Variants in SLC15A2 observed in about 807,000 individuals in gnomAD.
SLC15A2 encodes solute carrier family 15 member 2.
SLC15A2 carries 77 observed loss-of-function variants against 95.5 expected under a neutral mutation model. The observed-to-expected ratio is 0.81, with a 90% confidence interval of 0.67 to 0.97. The LOEUF (loss-of-function observed/expected upper bound fraction) is 0.97, where lower values mean the gene tolerates loss of function less well. SLC15A2 is among the 50% of genes least tolerant of loss of function. The pLI is 0.00. For missense variants in SLC15A2, 893 were observed against 874.4 expected, an observed-to-expected ratio of 1.02 and a Z score of -0.27; for synonymous variants, 306 against 306.9, an observed-to-expected ratio of 1.00 and a Z score of 0.03.
chr3:121,927,109 CT>C (rs1710137030), intron 13 of SLC15A2, among the ~76,000 whole-genome samples: 1 of 152,120 alleles, frequency 6.6e-6, no homozygotes, highest in Admixed American at 6.5e-5. Context: ...AGGGACTTGC[CT>C]TATTTCAAAT....
intron 7 of SLC15A2, among the ~76,000 whole-genome samples, chr3:121,917,172 T>C (rs1438867870): frequency 6.6e-6 from 1 of 152,210 alleles, no homozygotes; most frequent in African/African-American, 2.4e-5. Context: ...TTAATGAACC[T>C]ATTGTGTGCC....
chr3:121,937,404 A>G (rs1357753064), intron 19 of SLC15A2, among the ~76,000 whole-genome samples: 12 of 120,514 alleles, frequency 1.0e-4, no homozygotes, highest in East Asian at 4.6e-4. Flanking sequence ...AGGTACACCA[A>G]TCAGACGTAG....
At position 121,896,243 on chromosome 3, in the gene SLC15A2, C is replaced by G. The variant is rs190967754; in HGVS notation, c.106-163C>G. ...TATTTCTAAATCAGTAATATAAGCA[C>G]TTTTAGTGTTACCTAATAGGTGTGT... is the stretch of plus-strand genomic sequence containing the variant. On this transcript the variant is annotated intron_variant, in intron 1 of 21. Coordinates refer to ENST00000489711, the MANE Select transcript of SLC15A2 (RefSeq NM_021082.4). Among the ~76,000 whole-genome samples, 12 of 152,260 alleles carry G rather than the reference C, an allele frequency of 7.9e-5. No individual in the cohort carries two copies. In the East Asian group the frequency reaches 2.3e-3, roughly 29 times the overall value.
chr3:121,904,847 G>T (rs1353409580), intron 3 of SLC15A2, among the ~76,000 whole-genome samples: 1 of 152,178 alleles, frequency 6.6e-6, no homozygotes, highest in Non-Finnish European at 1.5e-5. Context: ...TTCATATCAG[G>T]ATGATGCTGG....
intron 9 of SLC15A2, 30 bp downstream of exon 9, chr3:121,922,891 G>C: frequency 6.3e-7 from 1 of 1,585,610 alleles, no homozygotes; most frequent in Non-Finnish European, 8.7e-7. Context: ...ACATCTTATG[G>C]CTTGATAGAG....
Position 121,915,323 on chromosome 3 carries a change from G to GA in SLC15A2, c.619+7dup. On this transcript the variant is annotated splice_region_variant and intron_variant, in intron 6 of 21. Transcript: ENST00000489711. ...TATCACACCCATGCTGAGAGGTTAG[G>GA]ATTTTTTTGAGGGGCCCTGTATAAG... 1.9e-6 allele frequency: 3 copies of GA among 1,556,446 alleles called. No homozygotes were observed. The highest frequency in any genetic ancestry group is 1.7e-6 in the Non-Finnish European group (2 of 1,143,684).
intron 17 of SLC15A2, among the ~76,000 whole-genome samples, chr3:121,930,400 A>G (rs988589952): frequency 6.6e-6 from 1 of 152,206 alleles, no homozygotes; most frequent in Non-Finnish European, 1.5e-5. Context: ...TTATAAGAGG[A>G]TAAGATATCA....
Position 121,913,031 on chromosome 3 carries a change from T to C in SLC15A2, c.439T>C (p.Leu147=), listed in dbSNP as rs1158022684. Residue 147 remains leucine, a synonymous_variant, in exon 5 of 22, where the codon TTG becomes CTG. Coordinates refer to ENST00000489711, the MANE Select transcript of SLC15A2 (RefSeq NM_021082.4). ...ACCTCTCCATTTCAGAGTCCTATCA[T>C]TGATCGGCCTGAGTCTAATAGCTTT... The part of the protein sequence containing the change: ...GGQVVHTVLS[L]IGLSLIALGT... The C allele has an allele frequency of 6.2e-7, 1 of 1,612,916 alleles. No homozygotes were observed. The highest frequency in any genetic ancestry group is 1.1e-5 in the South Asian group (1 of 90,972).
chr3:121,925,682 C>A (rs11707541), intron 13 of SLC15A2, among the ~76,000 whole-genome samples: 43,329 of 99,158 alleles, frequency 0.44, 10,210 homozygotes, highest in East Asian at 0.7. Flanking sequence ...AAAAAAAAAA[C>A]AACATTTCCC....
intron 2 of SLC15A2, among the ~76,000 whole-genome samples, chr3:121,896,919 A>AGG (rs1177951796): frequency 9.8e-6 from 1 of 101,660 alleles, no homozygotes; most frequent in Admixed American, 9.8e-5. Context: ...AAAAAAAAAA[A>AGG]GGGGGGGGAG....
chr3:121,940,802 A>T (rs1559856913), intron 21 of SLC15A2, 29 bp from the exon 22 acceptor site: 5 of 1,591,386 alleles, frequency 3.1e-6, no homozygotes, highest in Non-Finnish European at 4.3e-6. Context: ...GTTTCTCCAT[A>T]TTCTTCTCAT....
chr3:121,928,839 G>C, intron 15 of SLC15A2, 143 bp from the exon 16 acceptor site: 1 of 899,590 alleles, frequency 1.1e-6, no homozygotes, highest in Non-Finnish European at 1.7e-6. Flanking sequence ...TAAATTCCAA[G>C]AAATAAAATG....
chr3:121,924,465 T>C (rs1710072140), intron 12 of SLC15A2, 82 bp downstream of exon 12: 3 of 1,214,696 alleles, frequency 2.5e-6, no homozygotes, highest in Admixed American at 3.6e-5. Context: ...TTAACAACCA[T>C]AATTTGATGC....
chr3:121,905,542 T>C (rs13077082), intron 3 of SLC15A2, among the ~76,000 whole-genome samples: 45,788 of 152,042 alleles, frequency 0.3, 7,271 homozygotes, highest in Middle Eastern at 0.44. Flanking sequence ...GATTCTGGTA[T>C]GTTGTGTCTT....
In SLC15A2 at chr3:121,931,643, C is replaced by G; in HGVS notation, c.1669C>G (p.Pro557Ala). ...CCTAAATTCATCCTGTTCCAGATAC[C>G]CTGCAGTGCACTGTAGAACAGAAGA... The part of the protein sequence containing the change: ...AYRTVQRGEY[P>A]AVHCRTEDKN... Residue 557 changes from proline to alanine, a missense_variant, in exon 19 of 22, where the codon CCT (proline) becomes GCT (alanine). By Grantham distance (27) the Pro-to-Ala change is conservative. Coordinates refer to ENST00000489711, the MANE Select transcript of SLC15A2 (RefSeq NM_021082.4). 6.2e-7 allele frequency: 1 copy of G among 1,606,254 alleles called. No individual in the cohort carries two copies. The highest frequency in any genetic ancestry group is 8.5e-7 in the Non-Finnish European group (1 of 1,173,004).
rs78110372 is a variant in SLC15A2 at position 121,916,627 on chromosome 3, A to T, written c.697+934A>T. Among the ~76,000 whole-genome samples the T allele has an allele frequency of 6.1e-3, 929 of 152,256 alleles. 7 individuals carry two copies. Among genetic ancestry groups the T allele is most frequent in the African/African-American group, 0.021 (870 of 41,524 alleles). ...CATTCAAAGCCAAATATTTTCCCAA[A>T]TATTTGCATGATAATAATATTTACA... is the stretch of plus-strand genomic sequence containing the variant. On this transcript the variant is annotated intron_variant, in intron 7 of 21. Coordinates refer to ENST00000489711, the MANE Select transcript of SLC15A2 (RefSeq NM_021082.4).
chr3:121,933,687 G>A (rs1405720951), intron 19 of SLC15A2, among the ~76,000 whole-genome samples: 10 of 151,938 alleles, frequency 6.6e-5, no homozygotes, highest in South Asian at 4.1e-4. Context: ...AGTAGGTTGC[G>A]AAAATTTTCT....
chr3:121,931,583 G>A lies in SLC15A2; in HGVS notation c.1665-56G>A, dbSNP rs139089866. 4.0e-4 allele frequency: 437 copies of A among 1,100,678 alleles called. 3 individuals carry two copies. The African/African-American group carries it at 5.2e-3, about 13-fold the overall frequency. The allele number at this position is 1,100,678 out of a possible 1,614,324, so 68.2% of individuals were successfully genotyped here. On this transcript the variant is annotated intron_variant, in intron 18 of 21. Coordinates refer to ENST00000489711, the MANE Select transcript of SLC15A2 (RefSeq NM_021082.4). Reference sequence around the variant, plus strand: ...GATGAGATCACTTTCACCTGGAGATGGGAATGCTTTTCCAAGCCTTGATAT... The same window carrying A: ...GATGAGATCACTTTCACCTGGAGATAGGAATGCTTTTCCAAGCCTTGATAT...
At chr3:121,902,165 A>C (rs1709533120) in intron 3 of SLC15A2, among the ~76,000 whole-genome samples, 1 of 152,132 alleles carries the variant, frequency 6.6e-6, no homozygotes. Flanking sequence ...AAATTATTAA[A>C]CATGCATATT....
Sources: allele counts gnomAD v4.1 joint callset (sites outside exome capture counted in the v4.1 genomes callset), GRCh38; gene constraint gnomAD v4.1.1; transcripts MANE v1.5; gene names NCBI Gene and HGNC (gene_info 2026-07-23, HGNC 2026-07-21).